Variants in NCOA7 observed in about 807,000 individuals in gnomAD.
NCOA7 encodes nuclear receptor coactivator 7.
In NCOA7, 45 loss-of-function variants were observed where a neutral mutation model predicts 104.3. The ratio of observed to expected loss-of-function variants is 0.43; its 90% confidence interval spans 0.34 to 0.55. NCOA7 has a LOEUF of 0.55. Ranked by LOEUF, NCOA7 falls within the 20% of genes least tolerant of loss-of-function variation. The pLI is 0.02. For missense variants in NCOA7, 1,041 were observed against 1,119.7 expected (o/e 0.93, Z 1.00); for synonymous variants, 398 against 402.3 (o/e 0.99, Z 0.13).
chr6:125,899,892 A>C, intron 10 of NCOA7: 1 of 487,432 alleles, frequency 2.1e-6, no homozygotes, highest in South Asian at 1.5e-5. Context: ...TCTTCTTTGT[A>C]AGTGAGCTCT....
At chr6:125,890,058 A>G (rs1784521921) in intron 9 of NCOA7, 77 bp downstream of exon 9, 2 of 1,047,924 alleles carry the variant, frequency 1.9e-6, no homozygotes, top group South Asian at 4.4e-5. Flanking sequence ...TAATACCCAC[A>G]TTAGTACATT....
upstream of NCOA7, among the ~76,000 whole-genome samples, chr6:125,790,469 G>A (rs1369460306): frequency 6.6e-6 from 1 of 152,206 alleles, no homozygotes; most frequent in Non-Finnish European, 1.5e-5. Context: ...GGCCTGCGGA[G>A]GCCGCACGCG....
At chr6:125,807,686 A>G (rs1045075546) in intron 1 of NCOA7, among the ~76,000 whole-genome samples, 10 of 152,192 alleles carry the variant, frequency 6.6e-5, no homozygotes, top group Admixed American at 4.6e-4. Flanking sequence ...TTAAGTACCT[A>G]CGTCTCCAAA....
chr6:125,917,383 A>T (rs545460433), intron 11 of NCOA7, among the ~76,000 whole-genome samples: 1 of 152,038 alleles, frequency 6.6e-6, no homozygotes, highest in Non-Finnish European at 1.5e-5. Context: ...TCTCCAGCCA[A>T]TGTGAACCCA....
chr6:125,808,319 C>T (rs1412551602), intron 1 of NCOA7, among the ~76,000 whole-genome samples: 4 of 152,204 alleles, frequency 2.6e-5, no homozygotes, highest in African/African-American at 9.7e-5. Context: ...TTTGAGGCAG[C>T]GTAAGTTGCT....
intron 2 of NCOA7, among the ~76,000 whole-genome samples, chr6:125,840,868 G>GATTTTTTTTTTTT (rs1780075330): frequency 2.5e-5 from 1 of 40,340 alleles, no homozygotes; most frequent in African/African-American, 1.0e-4. Flanking sequence ...TGTTTGGTTG[G>GATTTTTTTTTTTT]TTTTTTTTTT....
At chr6:125,914,262 T>C (rs188192904) in intron 10 of NCOA7, among the ~76,000 whole-genome samples, 70 of 152,344 alleles carry the variant, frequency 4.6e-4, no homozygotes, top group Admixed American at 1.6e-3. Flanking sequence ...TCATGAAATG[T>C]AGCTGTTAAA....
Position 125,921,266 on chromosome 6 carries a change from C to T in NCOA7, c.2370+198C>T, listed in dbSNP as rs183303563. Among the ~76,000 whole-genome samples the T allele has an allele frequency of 1.7e-3, 254 of 152,170 alleles. 2 individuals carry two copies. Among genetic ancestry groups the T allele is most frequent in the East Asian group, 0.014 (71 of 5,166 alleles). On this transcript the variant is annotated intron_variant, in intron 12 of 15. Transcript: ENST00000392477. ...CTCTACTAAAAATACAAAAATTGGCCGGGCGTGATGGCACATGCCTCTAAT... is the reference window on the plus strand; with the variant it reads ...CTCTACTAAAAATACAAAAATTGGCTGGGCGTGATGGCACATGCCTCTAAT...
At chr6:125,888,477 G>C (rs548873791) in intron 8 of NCOA7, among the ~76,000 whole-genome samples, 154 of 152,240 alleles carry the variant, frequency 1.0e-3, no homozygotes, top group African/African-American at 3.4e-3. Context: ...CTAAGTCAAC[G>C]AGCTTTTCAA....
chr6:125,823,238 T>C (rs1213537394), intron 2 of NCOA7, among the ~76,000 whole-genome samples: 1 of 152,222 alleles, frequency 6.6e-6, no homozygotes, highest in African/African-American at 2.4e-5. Context: ...TCAAGGGGCC[T>C]ATTCAATAGT....
chr6:125,922,587 C>T, intron 12 of NCOA7, 95 bp from the exon 13 acceptor site: 2 of 1,429,170 alleles, frequency 1.4e-6, no homozygotes, highest in Non-Finnish European at 1.9e-6. Flanking sequence ...GTGTATGATA[C>T]TGAGTTTGAA....
Position 125,882,502 on chromosome 6 carries a change from G to T in NCOA7, c.650G>T (p.Gly217Val). Residue 217 changes from glycine to valine, a missense_variant, in exon 7 of 16, where the codon GGT becomes GTT. Physicochemically the swap from Gly to Val is moderately radical, Grantham distance 109. Coordinates refer to ENST00000392477, the MANE Select transcript of NCOA7 (RefSeq NM_181782.5). ...TCTACTTCTGAAGAAGATGAGCCAG[G>T]TGTGGTGAAATTTTTAAAAATGAAT... The part of the protein sequence containing the change: ...LSSTSEEDEP[G>V]VVKFLKMNCR... 1 of 1,613,626 alleles carries T rather than the reference G, an allele frequency of 6.2e-7. No homozygotes were observed. Among genetic ancestry groups the T allele is most frequent in the East Asian group, 2.2e-5 (1 of 44,810 alleles).
chr6:125,926,926 T>C (rs1169858201), intron 13 of NCOA7, among the ~76,000 whole-genome samples: 1 of 152,198 alleles, frequency 6.6e-6, no homozygotes, highest in Non-Finnish European at 1.5e-5. Flanking sequence ...GCTGAGGCAG[T>C]GGGCGTACAC....
intron 1 of NCOA7, among the ~76,000 whole-genome samples, chr6:125,782,831 T>C (rs529562341): frequency 2.0e-5 from 3 of 152,210 alleles, no homozygotes; most frequent in African/African-American, 4.8e-5. Context: ...CCAGAACATG[T>C]TGACATGTCA....
chr6:125,866,658 A>T (rs1241119510), intron 3 of NCOA7, among the ~76,000 whole-genome samples: 1 of 152,214 alleles, frequency 6.6e-6, no homozygotes, highest in African/African-American at 2.4e-5. Flanking sequence ...TTCACAGTCC[A>T]TCTGATGCCA....
chr6:125,786,528 G>A (rs1482058441), upstream of NCOA7, among the ~76,000 whole-genome samples: 2 of 149,598 alleles, frequency 1.3e-5, no homozygotes, highest in East Asian at 3.9e-4. Context: ...CTATAATCAA[G>A]TAATTCTAAA....
chr6:125,827,180 C>A (rs1396544057), intron 2 of NCOA7, among the ~76,000 whole-genome samples: 3 of 95,908 alleles, frequency 3.1e-5, no homozygotes, highest in African/African-American at 1.3e-4. Context: ...AAGAGTGAAA[C>A]TCCATCTCAA....
At chr6:125,906,698 G>A (rs1786042430) in intron 10 of NCOA7, among the ~76,000 whole-genome samples, 1 of 152,094 alleles carries the variant, frequency 6.6e-6, no homozygotes, top group African/African-American at 2.4e-5. Flanking sequence ...GGTCAGGGCG[G>A]GAGCATAGCT....
At chr6:125,901,534 A>G (rs1330836103) in intron 10 of NCOA7, among the ~76,000 whole-genome samples, 1 of 152,198 alleles carries the variant, frequency 6.6e-6, no homozygotes, top group Non-Finnish European at 1.5e-5. Context: ...GTGAGTGGGT[A>G]CAGGAGCTGG....
Sources: gnomAD v4.1 joint callset for allele counts (sites outside exome capture counted in the v4.1 genomes callset) on GRCh38, gnomAD v4.1.1 for gene constraint, MANE v1.5 for transcripts, NCBI Gene and HGNC (gene_info 2026-07-23, HGNC 2026-07-21) for gene names.